BTBD16: variants seen among roughly 807,000 people sequenced by gnomAD.
BTBD16 encodes BTB/POZ domain-containing protein 16.
A neutral mutation model predicts 67.4 loss-of-function variants in BTBD16; 66 were observed. The ratio of observed to expected loss-of-function variants is 0.98; its 90% CI spans 0.80 to 1.20. The LOEUF (loss-of-function observed/expected upper bound fraction) is 1.20. BTBD16 is among the 50% of genes most tolerant of loss of function. The pLI is 0.00. For missense variants in BTBD16, 634 were observed against 616.0 expected (o/e 1.03, Z -0.31); for synonymous variants, 242 against 236.4 (o/e 1.02, Z -0.22).
At chr10:122,287,932 T>A (rs11200530) in intron 5 of BTBD16, among the ~76,000 whole-genome samples, 1 of 152,166 alleles carries the variant, frequency 6.6e-6, no homozygotes. Flanking sequence ...AACAAATTAT[T>A]GATATCTTAT....
At chr10:122,310,939 C>A (rs1038303706) in intron 10 of BTBD16, among the ~76,000 whole-genome samples, 1 of 152,150 alleles carries the variant, frequency 6.6e-6, no homozygotes, top group Non-Finnish European at 1.5e-5. Context: ...AAAGGAGGGT[C>A]GAGAGCCATT....
intron 8 of BTBD16, among the ~76,000 whole-genome samples, chr10:122,298,721 AGGAACCTGGGAGC>A (rs749413438): frequency 3.3e-5 from 5 of 152,192 alleles, no homozygotes; most frequent in Non-Finnish European, 7.3e-5. Flanking sequence ...AGGCAAGAGC[AGGAACCTGGGAGC>A]GTCAGTTTCC....
At chr10:122,327,710 A>G (rs1481321906) in intron 10 of BTBD16, 2 of 933,202 alleles carry the variant, frequency 2.1e-6, no homozygotes, top group Non-Finnish European at 2.6e-6. Flanking sequence ...GCTGTTTCCA[A>G]ATCCTCTGGG....
At position 122,290,547 on chromosome 10, in the gene BTBD16, T is replaced by A. The variant is rs553835738; in HGVS notation, c.476-533T>A. Reference sequence around the variant, plus strand: ...GAAACTTCAGCACTCGTTGGGCCATTTGTCGCCAGAGGACACTCTGACGGT... The same window carrying A: ...GAAACTTCAGCACTCGTTGGGCCATATGTCGCCAGAGGACACTCTGACGGT... On this transcript the variant is annotated intron_variant, in intron 6 of 15. Transcript: ENST00000260723. Among the ~76,000 whole-genome samples the A allele has an allele frequency of 3.9e-5, 6 of 152,290 alleles. No individual in the cohort carries two copies. In the South Asian group the frequency reaches 1.2e-3, roughly 32 times the overall value.
At chr10:122,329,649 GC>G in intron 11 of BTBD16, 78 bp downstream of exon 11, 4 of 1,210,828 alleles carry the variant, frequency 3.3e-6, no homozygotes, top group South Asian at 2.5e-5. Flanking sequence ...TGCCGGGGGA[GC>G]CCCACCTGAT....
chr10:122,272,844 G>A (rs6585806), intron 1 of BTBD16, among the ~76,000 whole-genome samples: 96,933 of 151,710 alleles, frequency 0.64, 32,363 homozygotes, highest in East Asian at 0.89. Flanking sequence ...AAAAATGCTA[G>A]TGAGACTACA....
intron 10 of BTBD16, among the ~76,000 whole-genome samples, chr10:122,318,196 G>A (rs1421570035): frequency 1.3e-5 from 2 of 152,092 alleles, no homozygotes; most frequent in Non-Finnish European, 2.9e-5. Flanking sequence ...TTGTTAAGTG[G>A]TGCCTGACTG....
At chr10:122,278,402 G>T (rs558058152) in intron 3 of BTBD16, among the ~76,000 whole-genome samples, 18 of 152,288 alleles carry the variant, frequency 1.2e-4, no homozygotes, top group Non-Finnish European at 1.5e-5. Flanking sequence ...CTTTCAAATG[G>T]TTATAGAGCA....
intron 12 of BTBD16, among the ~76,000 whole-genome samples, chr10:122,331,729 C>T (rs2096455423): frequency 6.6e-6 from 1 of 152,090 alleles, no homozygotes; most frequent in African/African-American, 2.4e-5. Flanking sequence ...TGTGGTAGTT[C>T]TTATGTGTTT....
At chr10:122,292,955 G>T (rs973059634) in intron 7 of BTBD16, among the ~76,000 whole-genome samples, 1 of 152,204 alleles carries the variant, frequency 6.6e-6, no homozygotes, top group Non-Finnish European at 1.5e-5. Context: ...TTATGAAAGA[G>T]TAAGTGAACC....
rs745974469 is a variant in BTBD16, at chr10:122,329,559, G to A, written c.991G>A (p.Gly331Ser). The change falls in exon 11 of 16, where the codon GGC (glycine) becomes AGC (serine). Residue 331 changes from glycine to serine, a missense_variant. Transcript: ENST00000260723. ...RPLFLCLRLH[G>S]ITKGKDLEVL... ...GCTCTTCCTCTGCTTGCGTCTGCACGGCATCACCAAAGGTAAGCCCCAGTC... is the reference window on the plus strand; with the variant it reads ...GCTCTTCCTCTGCTTGCGTCTGCACAGCATCACCAAAGGTAAGCCCCAGTC... 22 of 1,613,630 alleles carry A rather than the reference G, an allele frequency of 1.4e-5. No individual in the cohort carries two copies. Among genetic ancestry groups the A allele is most frequent in the African/African-American group, 4.0e-5 (3 of 74,910 alleles).
intron 3 of BTBD16, among the ~76,000 whole-genome samples, chr10:122,280,225 T>C (rs1280916179): frequency 6.6e-6 from 1 of 152,224 alleles, no homozygotes; most frequent in African/African-American, 2.4e-5. Flanking sequence ...ACATGATTCA[T>C]GTAAGGAGCT....
rs1565030742 is a variant in BTBD16, at chr10:122,331,225, GCT to G, written c.1055_1056del (p.Leu352ArgfsTer24). 1 of 1,613,874 alleles carries G rather than the reference GCT, an allele frequency of 6.2e-7. No homozygotes were observed. ...RHLNFFPESW[L>X]DQVTVNHYHA... is the part of the protein sequence containing the mutation. ...ACCTTAACTTCTTCCCAGAGTCATG[GCT>G]CGACCAGGTTACAGTCAACCATTAC... On this transcript the variant is annotated frameshift_variant, in exon 12 of 16. Transcript: ENST00000260723. LOFTEE classifies it high-confidence loss of function.
intron 1 of BTBD16, among the ~76,000 whole-genome samples, chr10:122,273,221 G>GATAGATAGATATAT (rs1034902866): frequency 8.7e-4 from 113 of 129,480 alleles, no homozygotes; most frequent in African/African-American, 3.0e-3. Context: ...GCAACACAAA[G>GATAGATAGATATAT]ATATATATAT....
chr10:122,285,824 C>T (rs985071860), intron 4 of BTBD16, among the ~76,000 whole-genome samples: 3 of 152,242 alleles, frequency 2.0e-5, no homozygotes, highest in East Asian at 1.9e-4. Context: ...GAGGGCAGCA[C>T]AAGTGCCTCT....
At chr10:122,327,611 C>T in intron 10 of BTBD16, 1 of 985,422 alleles carries the variant, frequency 1.0e-6, no homozygotes, top group Non-Finnish European at 1.2e-6. Flanking sequence ...TGACTCATGG[C>T]CTCTCCATGT....
intron 9 of BTBD16, among the ~76,000 whole-genome samples, chr10:122,305,950 T>C (rs2096402982): frequency 6.6e-6 from 1 of 152,222 alleles, no homozygotes; most frequent in South Asian, 2.1e-4. Context: ...TAGTATTTTA[T>C]GGTGTATATG....
intron 10 of BTBD16, among the ~76,000 whole-genome samples, chr10:122,313,266 T>G (rs895716503): frequency 4.0e-5 from 6 of 151,308 alleles, no homozygotes; most frequent in Admixed American, 6.6e-5. Flanking sequence ...TGTTTTTTTT[T>G]TTTTGTTTTT....
At position 122,271,417 on chromosome 10, in the gene BTBD16, G is replaced by A. The variant is rs2096328345; in HGVS notation, c.-140G>A. The A allele has an allele frequency of 6.6e-6, 1 of 152,338 alleles. No individual in the cohort carries two copies. The highest frequency in any genetic ancestry group is 2.4e-5 in the African/African-American group (1 of 41,480). 9.4% of individuals were successfully genotyped at this position (152,338 alleles called of 1,614,324 possible). On this transcript the variant is annotated 5_prime_UTR_variant, in exon 1 of 16. Coordinates refer to ENST00000260723, the MANE Select transcript of BTBD16 (RefSeq NM_144587.5). ...GCTTCAGGCTCAGAAGGCGCCCCCA[G>A]CTCTCCTGTAACTCAGAGGCCAGTG... is the stretch of plus-strand genomic sequence containing the variant.
Sources: gnomAD v4.1 joint callset for allele counts (sites outside exome capture counted in the v4.1 genomes callset) on GRCh38, gnomAD v4.1.1 for gene constraint, MANE v1.5 for transcripts, NCBI Gene and HGNC (gene_info 2026-07-23, HGNC 2026-07-21) for gene names.